Variants in LIPF observed in about 807,000 individuals in gnomAD.
The protein encoded by LIPF is lipase F, gastric type.
A neutral mutation model predicts 38.0 loss-of-function variants in LIPF; 25 were observed. The observed-to-expected ratio is 0.66, with a 90% CI of 0.48 to 0.92. LIPF has a LOEUF of 0.92. Ranked by LOEUF, LIPF falls within the 40% of genes least tolerant of loss-of-function variation. The pLI is 0.00. For synonymous variants in LIPF, 161 were observed against 156.2 expected (o/e 1.03, Z -0.23); for missense variants, 410 against 469.9 (o/e 0.87, Z 1.18).
intron 9 of LIPF, among the ~76,000 whole-genome samples, chr10:88,676,820 G>A (rs538963089): frequency 6.6e-6 from 1 of 152,210 alleles, no homozygotes; most frequent in African/African-American, 2.4e-5. Context: ...CACACTTGCT[G>A]TAATAAGAAT....
Position 88,673,744 on chromosome 10 carries a change from C to T in LIPF, c.816+10C>T. ...TAAGAACTTTAACACGGTTAGTATGCATTTCAATTTCTATATTTTGAGCAA... is the reference window on the plus strand; with the variant it reads ...TAAGAACTTTAACACGGTTAGTATGTATTTCAATTTCTATATTTTGAGCAA... On this transcript the variant is annotated intron_variant, in intron 7 of 9. Coordinates refer to ENST00000238983, the MANE Select transcript of LIPF (RefSeq NM_004190.4). 1 of 1,599,156 alleles carries T rather than the reference C, an allele frequency of 6.3e-7. No individual in the cohort carries two copies. Among genetic ancestry groups the T allele is most frequent in the East Asian group, 2.2e-5 (1 of 44,698 alleles).
chr10:88,665,172 C>G (rs1298113552), intron 1 of LIPF, among the ~76,000 whole-genome samples: 3 of 152,110 alleles, frequency 2.0e-5, no homozygotes, highest in Admixed American at 6.5e-5. Flanking sequence ...TTAGCCTTAC[C>G]TTGCTTATTT....
At chr10:88,668,905 A>G (rs558910587) in intron 4 of LIPF, 149 bp downstream of exon 4, 13 of 659,996 alleles carry the variant, frequency 2.0e-5, no homozygotes, top group Non-Finnish European at 3.3e-5. Context: ...GGATTCTTCC[A>G]TGTACCTCAT....
intron 7 of LIPF, 127 bp from the exon 8 acceptor site, chr10:88,675,455 GTTCA>G: frequency 1.4e-6 from 1 of 697,952 alleles, no homozygotes; most frequent in South Asian, 1.8e-5. Flanking sequence ...CAAATGTGTT[GTTCA>G]TATCCTTCCA....
chr10:88,671,966 G>A lies in LIPF; in HGVS notation c.669+1G>A. On this transcript the variant is annotated splice_donor_variant, in intron 6 of 9. Transcript: ENST00000238983. LOFTEE classifies it high-confidence loss of function. ...ATTTGTTCCTCAATCCCTCTTCAAGGTATGCAATTCTCTTTAATTAAGTGA... is the reference window on the plus strand; with the variant it reads ...ATTTGTTCCTCAATCCCTCTTCAAGATATGCAATTCTCTTTAATTAAGTGA... 1 of 1,606,846 alleles carries A rather than the reference G, an allele frequency of 6.2e-7. No homozygotes were observed. The highest frequency in any genetic ancestry group is 8.5e-7 in the Non-Finnish European group (1 of 1,176,944).
intron 4 of LIPF, chr10:88,669,366 G>T: frequency 6.3e-6 from 1 of 158,562 alleles, no homozygotes; most frequent in Admixed American, 6.0e-5. Context: ...CTGAGGTGCA[G>T]ATGGGGCAGT....
At chr10:88,673,362 GT>G (rs1841633178) in intron 6 of LIPF, among the ~76,000 whole-genome samples, 1 of 152,118 alleles carries the variant, frequency 6.6e-6, no homozygotes, top group Non-Finnish European at 1.5e-5. Flanking sequence ...AGCCAGTACA[GT>G]TCTCAGTGCC....
chr10:88,676,905 T>G (rs972284267), intron 9 of LIPF, among the ~76,000 whole-genome samples: 5 of 152,204 alleles, frequency 3.3e-5, no homozygotes, highest in African/African-American at 1.2e-4. Flanking sequence ...CCACCCAGGC[T>G]CAGGAAGTTG....
chr10:88,669,540 C>A, intron 4 of LIPF: 1 of 233,714 alleles, frequency 4.3e-6, no homozygotes, highest in East Asian at 9.8e-5. Flanking sequence ...TGGAACACAG[C>A]ATACACATTA....
chr10:88,669,827 T>C lies in LIPF; in HGVS notation c.423-10T>C, dbSNP rs768015936. On this transcript the variant is annotated splice_polypyrimidine_tract_variant and intron_variant, in intron 4 of 9. Transcript: ENST00000238983. ...ATGTATTCACTTTCATTTTGTCTTT[T>C]TCCTTTCAGCTTTGATGAAATGGCT... 5.7e-6 allele frequency: 9 copies of C among 1,581,718 alleles called. No individual in the cohort carries two copies. In the African/African-American group the frequency reaches 1.2e-4, roughly 21 times the overall value.
chr10:88,678,560 C>T lies in LIPF; in HGVS notation c.1076C>T (p.Pro359Leu), dbSNP rs554986189. ...GTTGGCCTTTTGCTTCCAAAACTCCCCAATCTTATTTACCACAAGGAGATT... is the reference window on the plus strand; with the variant it reads ...GTTGGCCTTTTGCTTCCAAAACTCCTCAATCTTATTTACCACAAGGAGATT... ...QDVGLLLPKL[P>L]NLIYHKEIPF... The change falls in exon 10 of 10, where the codon CCC becomes CTC. Residue 359 changes from proline (P) to leucine (L), a missense_variant. Physicochemically the swap from Pro to Leu is moderately conservative, Grantham distance 98. Transcript: ENST00000238983. 2.5e-6 allele frequency: 4 copies of T among 1,613,926 alleles called. No individual in the cohort carries two copies. Among genetic ancestry groups the T allele is most frequent in the South Asian group, 1.1e-5 (1 of 91,060 alleles).
At position 88,676,068 on chromosome 10, in the gene LIPF, G is replaced by T. The variant is rs17287149; in HGVS notation, c.889-141G>T. On this transcript the variant is annotated intron_variant, in intron 8 of 9. Transcript: ENST00000238983. The stretch of plus-strand genomic sequence containing the variant: ...AAACTTACATAAATACCTTGTCCTA[G>T]ATTATTAATAATCTTTTGGAATGAG... 1.6e-3 allele frequency: 920 copies of T among 582,506 alleles called. 5 individuals carry two copies. Among genetic ancestry groups the T allele is most frequent in the African/African-American group, 0.016 (820 of 52,266 alleles). The allele number at this position is 582,506 out of a possible 1,614,324, so 36.1% of individuals were successfully genotyped here. A position where few individuals can be genotyped will look rare whatever the true frequency, so the allele number is the denominator to read the frequency against.
intron 9 of LIPF, among the ~76,000 whole-genome samples, chr10:88,677,372 TC>T (rs1343358182): frequency 6.6e-6 from 1 of 152,124 alleles, no homozygotes; most frequent in African/African-American, 2.4e-5. Flanking sequence ...AGAAACCCAG[TC>T]CCCAAGTCCA....
Position 88,667,556 on chromosome 10 carries a change from T to A in LIPF, c.106-13T>A, listed in dbSNP as rs554527453. On this transcript the variant is annotated splice_polypyrimidine_tract_variant and intron_variant, in intron 2 of 9. Coordinates refer to ENST00000238983, the MANE Select transcript of LIPF (RefSeq NM_004190.4). ...ATCAACTAAAATTTAAACTTTTGGG[T>A]TTGCTTCCTCAGAGTCAGATGATTA... 1 of 1,437,724 alleles carries A rather than the reference T, an allele frequency of 7.0e-7. No individual in the cohort carries two copies. The highest frequency in any genetic ancestry group is 1.2e-5 in the South Asian group (1 of 83,288). The allele number at this position is 1,437,724 out of a possible 1,614,324, so 89.1% of individuals were successfully genotyped here. A position where few individuals can be genotyped will look rare whatever the true frequency, so the allele number is the denominator to read the frequency against.
intron 9 of LIPF, among the ~76,000 whole-genome samples, chr10:88,677,197 A>G (rs1049344929): frequency 2.0e-5 from 3 of 152,094 alleles, no homozygotes; most frequent in Non-Finnish European, 2.9e-5. Flanking sequence ...TGCATTTTTG[A>G]TATCTTTAAA....
rs558767662 is a variant in LIPF, at chr10:88,668,435, A to G, written c.224-123A>G. 2.6e-5 allele frequency: 22 copies of G among 848,876 alleles called. 1 individual carries two copies. In the South Asian group the frequency reaches 4.1e-4, roughly 16 times the overall value. 52.6% of individuals were successfully genotyped at this position (848,876 alleles called of 1,614,324 possible). A position where few individuals can be genotyped will look rare whatever the true frequency, so the allele number is the denominator to read the frequency against. ...ACCACAATTACGATAAGATATTCAA[A>G]AATAATCAACTCAATCAGGCAAATG... is the stretch of plus-strand genomic sequence containing the variant. On this transcript the variant is annotated intron_variant, in intron 3 of 9. Transcript: ENST00000238983.
chr10:88,675,631 G>A lies in LIPF; in HGVS notation c.862G>A (p.Val288Ile), dbSNP rs932196604. The A allele has an allele frequency of 5.0e-6, 8 of 1,588,632 alleles. No individual in the cohort carries two copies. Among genetic ancestry groups the A allele is most frequent in the Non-Finnish European group, 6.9e-6 (8 of 1,160,960 alleles). Residue 288 changes from valine (V) to isoleucine (I), a missense_variant, in exon 8 of 10, where the codon GTT becomes ATT. By Grantham distance (29) the Val-to-Ile change is conservative (BLOSUM62 3). Transcript: ENST00000238983. ...ATCACATAATCCAGCAGGAACTTCT[G>A]TTCAAAACATGTTCCATTGGACCCA... ...YLSHNPAGTSVQNMFHWTQAV... is the reference protein window; with the variant it reads ...YLSHNPAGTSIQNMFHWTQAV...
intron 9 of LIPF, 118 bp from the exon 10 acceptor site, chr10:88,678,327 C>G: frequency 1.3e-6 from 1 of 773,850 alleles, no homozygotes; most frequent in Non-Finnish European, 2.3e-6. Flanking sequence ...TCTGTGCAAT[C>G]ATTGCTAGAA....
At chr10:88,676,863 A>G (rs187500747) in intron 9 of LIPF, among the ~76,000 whole-genome samples, 12 of 152,322 alleles carry the variant, frequency 7.9e-5, no homozygotes, top group Non-Finnish European at 1.5e-4. Flanking sequence ...TCTGCAGTCA[A>G]TATGAGTTTG....
Sources: gnomAD v4.1 joint callset for allele counts (sites outside exome capture counted in the v4.1 genomes callset) on GRCh38, gnomAD v4.1.1 for gene constraint, MANE v1.5 for transcripts, NCBI Gene and HGNC (gene_info 2026-07-23, HGNC 2026-07-21) for gene names.